The following LSMEM1 variants were observed in gnomAD, a reference collection of about 807,000 sequenced individuals.
LSMEM1 encodes leucine-rich single-pass membrane protein 1.
Under a neutral mutation model 11.3 loss-of-function variants are expected in LSMEM1, and 10 were observed. That is an observed-to-expected ratio of 0.89 (90% CI 0.55 to 1.50). LSMEM1 has a LOEUF of 1.50. Among genes scored for constraint, LSMEM1 ranks in the 40% most tolerant of loss-of-function variants. The pLI, the probability that LSMEM1 is intolerant of heterozygous loss-of-function variation, is 0.00. For missense variants in LSMEM1, 151 were observed against 152.9 expected (o/e 0.99, Z 0.06); for synonymous variants, 65 against 59.3 (o/e 1.10, Z -0.44).
At position 112,483,382 on chromosome 7, in the gene LSMEM1, G is replaced by T. The variant is rs1385900042; in HGVS notation, c.-5-1430G>T. On this transcript the variant is annotated intron_variant, in intron 1 of 3. Coordinates refer to ENST00000312849, the MANE Select transcript of LSMEM1 (RefSeq NM_182597.3). ...AACTGCCTCCAATTCTTTTGAAAATGGTGAGATTTAAATCCTAAATAAACA... is the reference window on the plus strand; with the variant it reads ...AACTGCCTCCAATTCTTTTGAAAATTGTGAGATTTAAATCCTAAATAAACA... 2.0e-5 allele frequency: 3 copies of T among 152,022 alleles called. No homozygotes were observed. The South Asian group carries it at 6.2e-4, about 32-fold the overall frequency. 9.4% of individuals were successfully genotyped at this position (152,022 alleles called of 1,614,324 possible).
chr7:112,480,963 G>A (rs748672303), upstream of LSMEM1: 1 of 451,834 alleles, frequency 2.2e-6, no homozygotes, highest in Non-Finnish European at 4.5e-6. Context: ...GCTAACAGTT[G>A]CTTCAGCCAG....
rs879883371 is a variant in LSMEM1, at chr7:112,485,031, T to TG, written c.127+90dup. Reference sequence around the variant, plus strand: ...CTGCTGACTGGATGTGTGGGTGTGGTGGAGGGGGAGGGGGCATTAGGAAGA... The same window carrying TG: ...CTGCTGACTGGATGTGTGGGTGTGGTGGGAGGGGGAGGGGGCATTAGGAAGA... On this transcript the variant is annotated intron_variant, in intron 2 of 3. Transcript: ENST00000312849. 1.4e-3 allele frequency: 1,620 copies of TG among 1,198,912 alleles called. 10 individuals carry two copies. Among genetic ancestry groups the TG allele is most frequent in the Non-Finnish European group, 1.6e-3 (1,442 of 877,588 alleles). The allele number at this position is 1,198,912 out of a possible 1,614,324, so 74.3% of individuals were successfully genotyped here.
At chr7:112,484,972 C>T (rs766365330) in intron 2 of LSMEM1, 29 bp downstream of exon 2, 1 of 1,598,150 alleles carries the variant, frequency 6.3e-7, no homozygotes, top group Non-Finnish European at 8.5e-7. Flanking sequence ...GCACAGCAGC[C>T]CTTCCTAGCT....
At chr7:112,485,159 C>T (rs1796104946) in intron 2 of LSMEM1, among the ~76,000 whole-genome samples, 1 of 152,106 alleles carries the variant, frequency 6.6e-6, no homozygotes, top group African/African-American at 2.4e-5. Context: ...GAGATTTGAA[C>T]TCTTGACTTC....
intron 1 of LSMEM1, among the ~76,000 whole-genome samples, chr7:112,482,542 A>G (rs1275667647): frequency 6.6e-6 from 1 of 152,242 alleles, no homozygotes; most frequent in Non-Finnish European, 1.5e-5. Flanking sequence ...TGTGCAGAAC[A>G]GTGGTCCTGT....
chr7:112,482,384 C>T (rs919352130), intron 1 of LSMEM1, among the ~76,000 whole-genome samples: 1 of 152,112 alleles, frequency 6.6e-6, no homozygotes, highest in Non-Finnish European at 1.5e-5. Flanking sequence ...CTAGCTAGGT[C>T]TCTATTTTGT....
chr7:112,486,350 A>T, intron 2 of LSMEM1: 1 of 450,876 alleles, frequency 2.2e-6, no homozygotes. Flanking sequence ...CTGCTATTTC[A>T]GTGTTAAGAC....
intron 2 of LSMEM1, 66 bp downstream of exon 2, chr7:112,485,009 C>A: frequency 6.8e-7 from 1 of 1,471,538 alleles, no homozygotes; most frequent in Non-Finnish European, 9.2e-7. Context: ...ATAGCCACTG[C>A]TGACTGGATG....
intron 1 of LSMEM1, among the ~76,000 whole-genome samples, chr7:112,481,951 G>C (rs146799261): frequency 6.6e-6 from 1 of 152,374 alleles, no homozygotes; most frequent in Non-Finnish European, 1.5e-5. Flanking sequence ...CTCCAGCCTT[G>C]CTGGTTGTTC....
rs200241326 is a variant in LSMEM1 at position 112,484,929 on chromosome 7, C to T, written c.113C>T (p.Ser38Leu). The change falls in exon 2 of 4, where the codon TCG becomes TTG. Residue 38 changes from serine to leucine, a missense_variant. Physicochemically the swap from Ser to Leu is moderately radical, Grantham distance 145 (BLOSUM62 -2). Transcript: ENST00000312849. ...LNKLNLCPAG[S>L]QHLFPLEDKI... ...AAACTAAACCTCTGTCCAGCCGGAT[C>T]GCAGCATCTGTTCCGTATGTGTGCT... The T allele has an allele frequency of 1.0e-4, 165 of 1,612,910 alleles. No individual in the cohort carries two copies. The highest frequency in any genetic ancestry group is 5.8e-4 in the East Asian group (26 of 44,822).
intron 2 of LSMEM1, 136 bp from the exon 3 acceptor site, chr7:112,486,787 G>T (rs1039979318): frequency 1.9e-5 from 24 of 1,244,034 alleles, no homozygotes; most frequent in Non-Finnish European, 2.6e-5. Flanking sequence ...AAAAAAAAGA[G>T]TCACTTTCTA....
At chr7:112,482,556 G>T (rs1035514174) in intron 1 of LSMEM1, among the ~76,000 whole-genome samples, 1 of 152,216 alleles carries the variant, frequency 6.6e-6, no homozygotes, top group Admixed American at 6.5e-5. Flanking sequence ...GTCCTGTGAT[G>T]TGACACATAA....
chr7:112,486,072 AT>A (rs372817706), intron 2 of LSMEM1: 1 of 157,146 alleles, frequency 6.4e-6, no homozygotes, highest in African/African-American at 2.4e-5. Context: ...TCCAGAGCAT[AT>A]CCATCCAGAA....
intron 2 of LSMEM1, 61 bp downstream of exon 2, chr7:112,485,004 C>A: frequency 6.6e-7 from 1 of 1,519,432 alleles, no homozygotes; most frequent in Non-Finnish European, 8.9e-7. Context: ...TAAAAATAGC[C>A]ACTGCTGACT....
intron 3 of LSMEM1, 127 bp from the exon 4 acceptor site, chr7:112,489,683 G>C: frequency 9.5e-7 from 1 of 1,057,402 alleles, no homozygotes; most frequent in Non-Finnish European, 1.4e-6. Flanking sequence ...GGCATGCATG[G>C]ATATGGGAAC....
At chr7:112,482,288 G>A (rs1235876510) in intron 1 of LSMEM1, among the ~76,000 whole-genome samples, 1 of 152,088 alleles carries the variant, frequency 6.6e-6, no homozygotes, top group Non-Finnish European at 1.5e-5. Context: ...TTTTTTTGGA[G>A]TCACCTTTTG....
upstream of LSMEM1, chr7:112,480,722 C>T (rs1252107086): frequency 4.6e-6 from 2 of 439,334 alleles, no homozygotes; most frequent in African/African-American, 4.0e-5. Flanking sequence ...GGTCTGTATC[C>T]ATGAAATCGC....
In LSMEM1 at chr7:112,490,009, T is replaced by C; in HGVS notation, c.*60T>C. 4.5e-6 allele frequency: 7 copies of C among 1,561,724 alleles called. No homozygotes were observed. Among genetic ancestry groups the C allele is most frequent in the Non-Finnish European group, 5.2e-6 (6 of 1,154,820 alleles). Reference sequence around the variant, plus strand: ...TGAGCTTTTTACTTTCCTGGGAGTGTACAGGGTTAGGAACTGAGAAAGTGC... The same window carrying C: ...TGAGCTTTTTACTTTCCTGGGAGTGCACAGGGTTAGGAACTGAGAAAGTGC... On this transcript the variant is annotated 3_prime_UTR_variant, in exon 4 of 4. Transcript: ENST00000312849.
At chr7:112,484,460 G>A (rs530306101) in intron 1 of LSMEM1, among the ~76,000 whole-genome samples, 6 of 152,258 alleles carry the variant, frequency 3.9e-5, no homozygotes, top group African/African-American at 1.4e-4. Context: ...TTTAAAATTA[G>A]TTACAAAATA....
Sources: gnomAD v4.1 joint callset for allele counts (sites outside exome capture counted in the v4.1 genomes callset) on GRCh38, gnomAD v4.1.1 for gene constraint, MANE v1.5 for transcripts, NCBI Gene and HGNC (gene_info 2026-07-23, HGNC 2026-07-21) for gene names.